The following PLA2G4A variants were observed in gnomAD, a reference collection of about 807,000 sequenced individuals.
The protein encoded by PLA2G4A is phospholipase A2 group IVA.
PLA2G4A carries 40 observed loss-of-function variants against 81.9 expected under a neutral mutation model. The ratio of observed to expected loss-of-function variants is 0.49; its 90% CI spans 0.38 to 0.64. The LOEUF is 0.64. PLA2G4A is among the 30% of genes least tolerant of loss of function. The probability of loss-of-function intolerance (pLI) is 0.00; values close to 1 mark genes in which losing one functional copy is unlikely to be tolerated. For missense variants in PLA2G4A, 715 were observed against 905.1 expected (o/e 0.79, Z 2.69); for synonymous variants, 302 against 296.9 (o/e 1.02, Z -0.18).
chr1:186,976,794 G>A (rs1657549026), intron 15 of PLA2G4A, among the ~76,000 whole-genome samples: 1 of 152,182 alleles, frequency 6.6e-6, no homozygotes, highest in Non-Finnish European at 1.5e-5. Flanking sequence ...GAGTTAGCCT[G>A]CTTTGGTGCA....
chr1:186,901,097 A>T (rs1654521805), intron 5 of PLA2G4A, among the ~76,000 whole-genome samples: 1 of 152,192 alleles, frequency 6.6e-6, no homozygotes, highest in Non-Finnish European at 1.5e-5. Flanking sequence ...AGGGCAATTT[A>T]CGTAAGTTAT....
chr1:186,915,163 A>T (rs1655095092), intron 7 of PLA2G4A, among the ~76,000 whole-genome samples: 1 of 152,118 alleles, frequency 6.6e-6, no homozygotes, highest in Admixed American at 6.5e-5. Flanking sequence ...GTTTTGTCAT[A>T]TCTCTAACTA....
intron 14 of PLA2G4A, among the ~76,000 whole-genome samples, chr1:186,959,201 C>CA (rs10707298): frequency 6.6e-6 from 1 of 151,256 alleles, no homozygotes; most frequent in African/African-American, 2.4e-5. Flanking sequence ...GACTCCATCT[C>CA]AAAAAAAAAA....
intron 17 of PLA2G4A, among the ~76,000 whole-genome samples, chr1:186,980,670 C>T (rs982203886): frequency 6.6e-6 from 1 of 152,152 alleles, no homozygotes; most frequent in Non-Finnish European, 1.5e-5. Context: ...TAGAACTCCA[C>T]ACATCTAGTT....
intron 10 of PLA2G4A, among the ~76,000 whole-genome samples, chr1:186,945,999 A>C (rs12720615): frequency 0.018 from 2,809 of 152,224 alleles, 93 homozygotes; most frequent in African/African-American, 0.063. Flanking sequence ...AGACAGAGAG[A>C]ATAATACCCA....
At chr1:186,909,757 C>G (rs1274077054) in intron 6 of PLA2G4A, among the ~76,000 whole-genome samples, 2 of 151,206 alleles carry the variant, frequency 1.3e-5, no homozygotes, top group African/African-American at 4.8e-5. Flanking sequence ...TAACCCAATA[C>G]TTTTATATAC....
chr1:186,833,278 C>T (rs1036771911), intron 1 of PLA2G4A, among the ~76,000 whole-genome samples: 1 of 151,914 alleles, frequency 6.6e-6, no homozygotes, highest in Non-Finnish European at 1.5e-5. Context: ...CACCTGTAAT[C>T]CAGCAATTTG....
Position 186,938,992 on chromosome 1 carries a change from T to C in PLA2G4A, c.696-16T>C. ...TGCTCTTTATCTTTACTGATTGTGT[T>C]TTGTTTTCTGTATAGGTATATGTCA... On this transcript the variant is annotated splice_polypyrimidine_tract_variant and intron_variant, in intron 8 of 17. Transcript: ENST00000367466. The C allele has an allele frequency of 7.7e-7, 1 of 1,306,818 alleles. No homozygotes were observed. Among genetic ancestry groups the C allele is most frequent in the Non-Finnish European group, 1.1e-6 (1 of 900,050 alleles). The allele number at this position is 1,306,818 out of a possible 1,614,324, so 81.0% of individuals were successfully genotyped here.
At chr1:186,917,944 C>T (rs976202825) in intron 7 of PLA2G4A, among the ~76,000 whole-genome samples, 4 of 152,192 alleles carry the variant, frequency 2.6e-5, no homozygotes, top group African/African-American at 4.8e-5. Context: ...GTAGAAGTAC[C>T]GGCCTAACAA....
intron 3 of PLA2G4A, chr1:186,870,886 G>T: frequency 6.1e-6 from 3 of 492,654 alleles, no homozygotes; most frequent in Non-Finnish European, 1.1e-5. Context: ...ATAACATTTC[G>T]AACAGTTCTC....
chr1:186,908,961 T>C (rs1430223354), intron 6 of PLA2G4A, among the ~76,000 whole-genome samples: 1 of 137,332 alleles, frequency 7.3e-6, no homozygotes, highest in African/African-American at 2.6e-5. Flanking sequence ...TTAATTTCTT[T>C]TCTTTTCTTT....
intron 2 of PLA2G4A, among the ~76,000 whole-genome samples, chr1:186,865,547 G>T (rs1287740630): frequency 1.3e-5 from 2 of 152,122 alleles, no homozygotes; most frequent in African/African-American, 4.8e-5. Context: ...GCCAGTTGTG[G>T]TGATCATAAT....
intron 15 of PLA2G4A, among the ~76,000 whole-genome samples, chr1:186,976,885 A>G (rs747194845): frequency 5.9e-5 from 9 of 152,156 alleles, no homozygotes; most frequent in Non-Finnish European, 1.2e-4. Context: ...GTCATAAATC[A>G]CCCGTGGAGG....
intron 7 of PLA2G4A, among the ~76,000 whole-genome samples, chr1:186,924,773 T>A (rs1487842950): frequency 6.6e-6 from 1 of 152,110 alleles, no homozygotes; most frequent in Non-Finnish European, 1.5e-5. Context: ...GGGATTTAAA[T>A]CCAGGATTCT....
chr1:186,969,037 G>A (rs1247732358), intron 15 of PLA2G4A, among the ~76,000 whole-genome samples: 1 of 151,708 alleles, frequency 6.6e-6, no homozygotes, highest in Admixed American at 6.6e-5. Flanking sequence ...TGGATTATTT[G>A]TGATGTTCCT....
intron 15 of PLA2G4A, among the ~76,000 whole-genome samples, chr1:186,965,813 G>A (rs1289726348): frequency 1.3e-5 from 2 of 152,158 alleles, no homozygotes; most frequent in East Asian, 1.9e-4. Context: ...GCCCTGAGCA[G>A]GACAAGAATA....
intron 14 of PLA2G4A, among the ~76,000 whole-genome samples, chr1:186,958,136 T>C (rs1225406749): frequency 3.9e-5 from 6 of 152,054 alleles, no homozygotes; most frequent in Admixed American, 3.3e-4. Flanking sequence ...TTAAACAAGA[T>C]TAGTGCAAAC....
chr1:186,901,808 T>TC (rs1654548970), intron 5 of PLA2G4A, among the ~76,000 whole-genome samples: 1 of 152,144 alleles, frequency 6.6e-6, no homozygotes. Flanking sequence ...TAAAAGTCTT[T>TC]CAAGTCTGTT....
intron 10 of PLA2G4A, among the ~76,000 whole-genome samples, chr1:186,943,113 T>A (rs1425331140): frequency 1.3e-5 from 2 of 152,232 alleles, no homozygotes; most frequent in Admixed American, 1.3e-4. Context: ...CTGAATTATA[T>A]TTTTAAAAGT....
Sources: gnomAD v4.1 joint callset for allele counts (sites outside exome capture counted in the v4.1 genomes callset) on GRCh38, gnomAD v4.1.1 for gene constraint, MANE v1.5 for transcripts, NCBI Gene and HGNC (gene_info 2026-07-23, HGNC 2026-07-21) for gene names.